KDM5C: variants seen among roughly 807,000 people sequenced by gnomAD.
KDM5C encodes the protein lysine-specific demethylase 5C.
KDM5C carries 16 observed loss-of-function variants against 110.6 expected under a neutral mutation model. The observed-to-expected ratio is 0.14, with a 90% CI of 0.10 to 0.22. KDM5C has a LOEUF of 0.22. Among genes scored for constraint, KDM5C ranks in the 10% least tolerant of loss-of-function variants. The pLI is 1.00. For missense variants in KDM5C, 681 were observed against 1,300.9 expected (o/e 0.52, Z 7.33); for synonymous variants, 511 against 520.4 (o/e 0.98, Z 0.24).
Position 53,197,871 on chromosome X carries a change from T to C in KDM5C, c.2522A>G (p.His841Arg). Residue 841 changes from histidine to arginine, a missense_variant, in exon 18 of 26, where the codon CAC (histidine) becomes CGC (arginine). His to Arg is a conservative substitution (Grantham distance 29). Transcript: ENST00000375401. ...GGTCATCTGTAGACCAGCCACCCTG[T>C]GGGGGCTATGAAGTATCACATGTGA... ...GLVSGQEAGP[H>R]RVAGLQMTLT... is the part of the protein sequence containing the mutation. 1 of 1,180,559 alleles carries C rather than the reference T, an allele frequency of 8.5e-7. No homozygotes were observed.
chrX:53,195,872 C>T (rs2146831260), intron 20 of KDM5C, 44 bp downstream of exon 20: 1 of 1,191,067 alleles, frequency 8.4e-7, no homozygotes, highest in Non-Finnish European at 1.1e-6. Flanking sequence ...CCATCTCTTC[C>T]CAGCTGGACT....
chrX:53,176,477 T>A (rs1037989142), exon 26 of KDM5C, among the ~76,000 whole-genome samples: 1 of 111,718 alleles, frequency 9.0e-6, no homozygotes, highest in African/African-American at 3.3e-5. Flanking sequence ...TGTCTCACCG[T>A]AACCATATGC....
intron 1 of KDM5C, among the ~76,000 whole-genome samples, chrX:53,222,503 C>G (rs782187924): frequency 9.0e-6 from 1 of 110,931 alleles, no homozygotes; most frequent in South Asian, 3.9e-4. Flanking sequence ...CCCAAAACTC[C>G]GGGCACCCTT....
intron 14 of KDM5C, among the ~76,000 whole-genome samples, chrX:53,199,946 T>C (rs1420017364): frequency 9.0e-6 from 1 of 111,657 alleles, no homozygotes; most frequent in African/African-American, 3.3e-5. Context: ...CTGCCACTTA[T>C]ATGCTGTGTG....
intron 25 of KDM5C, among the ~76,000 whole-genome samples, chrX:53,180,718 G>C (rs1382058444): frequency 1.7e-5 from 1 of 57,257 alleles, no homozygotes; most frequent in East Asian, 5.5e-4. Context: ...ACCACACCCG[G>C]CTTTTTTTTT....
At chrX:53,191,031 C>T (rs1934395956), downstream of KDM5C, among the ~76,000 whole-genome samples, 1 of 111,483 alleles carries the variant, frequency 9.0e-6, no homozygotes, top group Non-Finnish European at 1.9e-5. Flanking sequence ...GTATCATGGG[C>T]AGACTCCAAA....
At position 53,194,624 on chromosome X, in the gene KDM5C, T is replaced by C. The variant is rs781846698; in HGVS notation, c.3553A>G (p.Thr1185Ala). ...ACCTGCCCACACACACAGATAGAGG[T>C]TGTAGAGGAGGCCGTGCTCGATGAT... ...LASSSTASST[T>A]SICVCGQVLA... The change falls in exon 23 of 26, where the codon ACC becomes GCC. Residue 1185 changes from threonine (T) to alanine (A), a missense_variant. This residue lies in a region of KDM5C where 48 missense variants were observed against 59.7 expected (regional missense o/e 0.80). Coordinates refer to ENST00000375401, the MANE Select transcript of KDM5C (RefSeq NM_004187.5). 3.3e-6 allele frequency: 4 copies of C among 1,209,733 alleles called. No homozygotes were observed. In the African/African-American group the frequency reaches 5.3e-5, roughly 16 times the overall value.
At position 53,210,678 on chromosome X, in the gene KDM5C, G is replaced by A. The variant is rs1380053419; in HGVS notation, c.1581C>T (p.His527=). 2.5e-6 allele frequency: 3 copies of A among 1,209,481 alleles called. No homozygotes were observed. The highest frequency in any genetic ancestry group is 3.4e-6 in the Non-Finnish European group (3 of 894,718). The change falls in exon 11 of 26, where the codon CAC becomes CAT. Residue 527 remains histidine, a splice_region_variant and synonymous_variant. Transcript: ENST00000375401. ...TGGCTCCCCAGGGTCCCACTCACCA[G>A]TGGAGGTAGTTAATGGAGTAACTCC... The part of the protein sequence containing the change: ...DHWSYSINYL[H]WGEPKTWYGV...
intron 25 of KDM5C, among the ~76,000 whole-genome samples, chrX:53,184,365 G>A (rs1390115535): frequency 2.7e-5 from 3 of 111,093 alleles, no homozygotes; most frequent in East Asian, 2.8e-4. Flanking sequence ...TCAGCCTCCC[G>A]TGTAGCTGGG....
At chrX:53,205,909 G>A (rs1387435773) in intron 12 of KDM5C, among the ~76,000 whole-genome samples, 4 of 111,619 alleles carry the variant, frequency 3.6e-5, no homozygotes, top group East Asian at 2.8e-4. Context: ...TAATTTTATC[G>A]ACAAGAAAAC....
chrX:53,198,235 G>A (rs782554209), intron 17 of KDM5C, among the ~76,000 whole-genome samples: 24 of 111,330 alleles, frequency 2.2e-4, no homozygotes, highest in African/African-American at 6.9e-4. Flanking sequence ...CTCTCTCTCA[G>A]GCCACTTCCA....
At chrX:53,179,019 G>A (rs1556825074) in intron 25 of KDM5C, among the ~76,000 whole-genome samples, 2 of 112,341 alleles carry the variant, frequency 1.8e-5, no homozygotes, top group African/African-American at 3.2e-5. Context: ...TGGATCACCC[G>A]AGGTCAGGAG....
intron 1 of KDM5C, among the ~76,000 whole-genome samples, chrX:53,223,710 G>A (rs2073955360): frequency 8.9e-6 from 1 of 111,947 alleles, no homozygotes; most frequent in Non-Finnish European, 1.9e-5. Flanking sequence ...GAAAGCTATG[G>A]CCTTTGTTGC....
chrX:53,219,340 A>G (rs2073835853), intron 2 of KDM5C, among the ~76,000 whole-genome samples: 1 of 112,662 alleles, frequency 8.9e-6, no homozygotes, highest in Non-Finnish European at 1.9e-5. Context: ...CTCCTTATGT[A>G]CCACCAAACT....
intron 7 of KDM5C, chrX:53,215,585 GCACT>G (rs1190235898): frequency 1.3e-5 from 6 of 461,156 alleles, no homozygotes; most frequent in African/African-American, 1.2e-4. Context: ...GACCCTTCCA[GCACT>G]TCATGTTGAC....
At chrX:53,207,637 G>A (rs782706586) in intron 12 of KDM5C, among the ~76,000 whole-genome samples, 2 of 112,277 alleles carry the variant, frequency 1.8e-5, no homozygotes, top group African/African-American at 6.5e-5. Context: ...CTTCTGGAAA[G>A]AGGACATGTT....
At chrX:53,208,412 CATACAT>C (rs1337331485) in intron 12 of KDM5C, among the ~76,000 whole-genome samples, 3 of 21,781 alleles carry the variant, frequency 1.4e-4, no homozygotes, top group East Asian at 1.0e-3. Flanking sequence ...TATATATACA[CATACAT>C]ATATATATAT....
At chrX:53,195,106 C>T (rs782052573) in intron 21 of KDM5C, 38 bp from the exon 22 acceptor site, 28 of 1,193,259 alleles carry the variant, frequency 2.3e-5, no homozygotes, top group Non-Finnish European at 3.2e-5. Flanking sequence ...GACTGGGCTT[C>T]CCTTACATCC....
intron 21 of KDM5C, 66 bp downstream of exon 21, chrX:53,195,165 T>C: frequency 1.7e-6 from 2 of 1,173,305 alleles, no homozygotes; most frequent in South Asian, 3.7e-5. Flanking sequence ...TGTTATCTCA[T>C]GAGCCATCTC....
Sources: gnomAD v4.1 joint callset for allele counts (sites outside exome capture counted in the v4.1 genomes callset) on GRCh38, gnomAD v4.1.1 for gene constraint, gnomAD v4.1.1 regional missense constraint, MANE v1.5 for transcripts, NCBI Gene and HGNC (gene_info 2026-07-23, HGNC 2026-07-21) for gene names.